Variants in GRID2 observed in about 807,000 individuals in gnomAD.
The protein encoded by GRID2 is glutamate receptor ionotropic, delta-2.
Under a neutral mutation model 114.8 loss-of-function variants are expected in GRID2, and 33 were observed. That is an observed-to-expected ratio of 0.29 (90% CI 0.22 to 0.38). The LOEUF is 0.38. Among genes scored for constraint, GRID2 ranks in the 10% least tolerant of loss-of-function variants. The pLI, the probability that GRID2 is intolerant of heterozygous loss-of-function variation, is 1.00. For synonymous variants in GRID2, 505 were observed against 449.9 expected (o/e 1.12, Z -1.55); for missense variants, 1,184 against 1,257.7 (o/e 0.94, Z 0.89).
intron 14 of GRID2, among the ~76,000 whole-genome samples, chr4:93,654,014 T>C (rs1722800795): frequency 6.6e-6 from 1 of 152,198 alleles, no homozygotes; most frequent in South Asian, 2.1e-4. Flanking sequence ...TAAAGATAGA[T>C]TTCAGCAAAT....
intron 2 of GRID2, among the ~76,000 whole-genome samples, chr4:92,941,178 G>A (rs1751095517): frequency 6.6e-6 from 1 of 152,130 alleles, no homozygotes; most frequent in South Asian, 2.1e-4. Context: ...GTAGAATTCG[G>A]CTGTGAATCC....
chr4:93,135,777 G>T (rs1240404018), intron 4 of GRID2, among the ~76,000 whole-genome samples: 7 of 152,150 alleles, frequency 4.6e-5, no homozygotes, highest in Non-Finnish European at 1.0e-4. Context: ...AGAAAACCAA[G>T]AAGAGTTACC....
chr4:92,342,462 G>A (rs1727545240), intron 1 of GRID2, among the ~76,000 whole-genome samples: 1 of 152,170 alleles, frequency 6.6e-6, no homozygotes, highest in African/African-American at 2.4e-5. Context: ...CATATAATTA[G>A]AGAAGTCAGT....
intron 2 of GRID2, among the ~76,000 whole-genome samples, chr4:92,906,812 A>C (rs766016840): frequency 1.3e-5 from 2 of 151,974 alleles, no homozygotes; most frequent in Non-Finnish European, 2.9e-5. Flanking sequence ...CCTAGAACAA[A>C]ATCCTCTGGT....
chr4:92,655,654 T>A (rs1226140921), intron 2 of GRID2, among the ~76,000 whole-genome samples: 1 of 151,798 alleles, frequency 6.6e-6, no homozygotes, highest in Non-Finnish European at 1.5e-5. Context: ...TGGGATTGAC[T>A]TCTTGATTTT....
intron 2 of GRID2, among the ~76,000 whole-genome samples, chr4:92,691,538 G>A (rs1459797702): frequency 6.6e-6 from 1 of 152,152 alleles, no homozygotes; most frequent in African/African-American, 2.4e-5. Context: ...TTTGCTCATT[G>A]TGCGGTATCC....
intron 2 of GRID2, among the ~76,000 whole-genome samples, chr4:93,029,643 T>C (rs1209368957): frequency 1.3e-5 from 2 of 152,100 alleles, no homozygotes. Context: ...GATGAGAAAG[T>C]AGGGTTAATA....
intron 3 of GRID2, among the ~76,000 whole-genome samples, chr4:93,086,324 G>T (rs1377138720): frequency 1.3e-5 from 2 of 152,122 alleles, no homozygotes; most frequent in East Asian, 1.9e-4. Flanking sequence ...CTTAAAAAAT[G>T]CTTTCTTGTC....
rs998923054 is a variant in GRID2 at position 93,420,701 on chromosome 4, G to A, written c.1348-2070G>A. Among the ~76,000 whole-genome samples, 42 of 89,314 alleles carry A rather than the reference G, an allele frequency of 4.7e-4. 1 individual carries two copies. Among genetic ancestry groups the A allele is most frequent in the African/African-American group, 2.2e-3 (42 of 19,336 alleles). 58.6% of individuals were successfully genotyped at this position (89,314 alleles called of 152,430 possible). On this transcript the variant is annotated intron_variant, in intron 9 of 15. Coordinates refer to ENST00000282020, the MANE Select transcript of GRID2 (RefSeq NM_001510.4). Reference sequence around the variant, plus strand: ...AAATCGGTACCTTAACAAAAAATATGGAAATTTATTTGTTTATTTATTATT... The same window carrying A: ...AAATCGGTACCTTAACAAAAAATATAGAAATTTATTTGTTTATTTATTATT...
At chr4:93,273,082 A>G (rs1003889286) in intron 8 of GRID2, among the ~76,000 whole-genome samples, 1 of 152,196 alleles carries the variant, frequency 6.6e-6, no homozygotes, top group Non-Finnish European at 1.5e-5. Context: ...TCTTTATAGC[A>G]CTCATTATAA....
chr4:93,240,246 A>G (rs746152351), intron 8 of GRID2, among the ~76,000 whole-genome samples: 7 of 151,676 alleles, frequency 4.6e-5, no homozygotes, highest in African/African-American at 7.2e-5. Flanking sequence ...TAATTTACAT[A>G]CCACCAGCAG....
chr4:93,583,010 G>A (rs938242929), intron 13 of GRID2, among the ~76,000 whole-genome samples: 4 of 152,122 alleles, frequency 2.6e-5, no homozygotes, highest in Admixed American at 2.6e-4. Context: ...ATCCTGTCCT[G>A]CCTCTTCCAT....
intron 2 of GRID2, among the ~76,000 whole-genome samples, chr4:92,820,809 CTA>C (rs1424612217): frequency 6.6e-6 from 1 of 151,984 alleles, no homozygotes; most frequent in Non-Finnish European, 1.5e-5. Flanking sequence ...AAATCAATAT[CTA>C]TTAAAATTAT....
chr4:93,709,911 T>G (rs943334596), intron 14 of GRID2, among the ~76,000 whole-genome samples: 1 of 152,208 alleles, frequency 6.6e-6, no homozygotes, highest in Non-Finnish European at 1.5e-5. Context: ...AATTCATTAA[T>G]TTTTGTTAAT....
At chr4:93,745,948 T>C (rs546215053) in intron 14 of GRID2, among the ~76,000 whole-genome samples, 5 of 152,230 alleles carry the variant, frequency 3.3e-5, no homozygotes, top group African/African-American at 1.2e-4. Context: ...TGATCCCAGT[T>C]AGGTAGCAGG....
intron 1 of GRID2, among the ~76,000 whole-genome samples, chr4:93,795,559 C>A (rs1013145859): frequency 6.6e-6 from 1 of 152,010 alleles, no homozygotes; most frequent in Non-Finnish European, 1.5e-5. Flanking sequence ...TATTGAAATA[C>A]AACATTTCAA....
intron 14 of GRID2, among the ~76,000 whole-genome samples, chr4:93,730,818 C>G (rs1346612481): frequency 6.6e-6 from 1 of 152,200 alleles, no homozygotes; most frequent in Non-Finnish European, 1.5e-5. Context: ...GAAGGTGGCC[C>G]CTGCCAAAGG....
chr4:93,218,262 AG>A (rs1425754936), intron 6 of GRID2, among the ~76,000 whole-genome samples: 1 of 151,920 alleles, frequency 6.6e-6, no homozygotes, highest in African/African-American at 2.4e-5. Context: ...GCAATCTGGG[AG>A]GTCAAGGGGG....
intron 8 of GRID2, among the ~76,000 whole-genome samples, chr4:93,395,088 G>A (rs1169267739): frequency 6.6e-6 from 1 of 151,928 alleles, no homozygotes. Context: ...AAATTATATT[G>A]TTTTATGTGC....
Sources: allele counts gnomAD v4.1 joint callset (sites outside exome capture counted in the v4.1 genomes callset), GRCh38; gene constraint gnomAD v4.1.1; transcripts MANE v1.5; gene names NCBI Gene and HGNC (gene_info 2026-07-23, HGNC 2026-07-21).